INTS14: variants seen among roughly 807,000 people sequenced by gnomAD.
The protein encoded by INTS14 is UPF0464 protein C15orf44.
INTS14 carries 27 observed loss-of-function variants against 56.9 expected under a neutral mutation model. The observed-to-expected ratio is 0.47, with a 90% CI of 0.35 to 0.65. INTS14 has a LOEUF of 0.65. Among genes scored for constraint, INTS14 ranks in the 30% least tolerant of loss-of-function variants. The pLI is 0.00. For synonymous variants in INTS14, 207 were observed against 236.2 expected (o/e 0.88, Z 1.13); for missense variants, 517 against 632.2 (o/e 0.82, Z 1.95).
At chr15:65,609,269 G>T (rs2073770245) in intron 1 of INTS14, among the ~76,000 whole-genome samples, 1 of 152,114 alleles carries the variant, frequency 6.6e-6, no homozygotes, top group Non-Finnish European at 1.5e-5. Context: ...CCATTTGTAA[G>T]TAGGCTGTTT....
At chr15:65,582,360 C>T (rs2072656466) in intron 10 of INTS14, among the ~76,000 whole-genome samples, 1 of 152,122 alleles carries the variant, frequency 6.6e-6, no homozygotes, top group Non-Finnish European at 1.5e-5. Context: ...AACTGGATAT[C>T]CACAAGCAAA....
rs141827258 is a variant in INTS14 at position 65,585,754 on chromosome 15, T to C, written c.1121-866A>G. 7.9e-5 allele frequency among the ~76,000 whole-genome samples: 12 copies of C among 152,312 alleles called. No individual in the cohort carries two copies. In the East Asian group the frequency reaches 2.3e-3, roughly 29 times the overall value. On this transcript the variant is annotated intron_variant, in intron 9 of 11. Coordinates refer to ENST00000313182, the MANE Select transcript of INTS14 (RefSeq NM_001394796.1). ...TACAAGTTCAGAGAACTTAAATCTC[T>C]TGCCCAAAAGTTTGTGTTGAAAAAT...
intron 8 of INTS14, 128 bp downstream of exon 8, chr15:65,593,300 A>AGT: frequency 8.5e-7 from 1 of 1,180,168 alleles, no homozygotes; most frequent in Non-Finnish European, 1.2e-6. Flanking sequence ...AGGTGGGAAA[A>AGT]GTGTGTGGCA....
intron 9 of INTS14, 90 bp from the exon 10 acceptor site, chr15:65,584,978 A>G: frequency 9.7e-7 from 1 of 1,033,450 alleles, no homozygotes; most frequent in Non-Finnish European, 1.4e-6. Flanking sequence ...GAATCACTCA[A>G]TCTTTGATAT....
chr15:65,597,756 T>C (rs1238144347), intron 6 of INTS14, among the ~76,000 whole-genome samples: 1 of 152,244 alleles, frequency 6.6e-6, no homozygotes, highest in Non-Finnish European at 1.5e-5. Context: ...TTAATTATGA[T>C]ACTAATTAAG....
intron 6 of INTS14, among the ~76,000 whole-genome samples, chr15:65,598,039 C>G (rs919958479): frequency 6.6e-6 from 1 of 152,138 alleles, no homozygotes; most frequent in Non-Finnish European, 1.5e-5. Context: ...TACACATGCA[C>G]GAAGCTGACA....
At chr15:65,583,502 A>G (rs1239207988) in intron 10 of INTS14, among the ~76,000 whole-genome samples, 1 of 152,208 alleles carries the variant, frequency 6.6e-6, no homozygotes, top group Admixed American at 6.5e-5. Context: ...AGACAGAAAG[A>G]AAATCAATGG....
chr15:65,587,733 C>T (rs1459159427), intron 9 of INTS14, among the ~76,000 whole-genome samples: 1 of 152,042 alleles, frequency 6.6e-6, no homozygotes, highest in Non-Finnish European at 1.5e-5. Flanking sequence ...GTAATCCCAA[C>T]AATTTGGGAG....
chr15:65,595,575 T>G (rs1329227732), intron 7 of INTS14, among the ~76,000 whole-genome samples, 158 bp downstream of exon 7: 1 of 152,248 alleles, frequency 6.6e-6, no homozygotes, highest in Non-Finnish European at 1.5e-5. Flanking sequence ...CAGAATTACT[T>G]TTTTGATATA....
At chr15:65,593,753 C>T (rs1037578510) in intron 7 of INTS14, among the ~76,000 whole-genome samples, 181 bp from the exon 8 acceptor site, 2 of 151,602 alleles carry the variant, frequency 1.3e-5, no homozygotes, top group African/African-American at 2.4e-5. Flanking sequence ...AGTTTCCACA[C>T]ATTATATGAA....
intron 9 of INTS14, among the ~76,000 whole-genome samples, chr15:65,588,122 C>A (rs1163072390): frequency 1.3e-5 from 2 of 150,872 alleles, no homozygotes; most frequent in Non-Finnish European, 3.0e-5. Context: ...AACCCCGTAC[C>A]TACTAAAAAT....
intron 6 of INTS14, among the ~76,000 whole-genome samples, chr15:65,597,108 T>C (rs1231301873): frequency 6.6e-6 from 1 of 152,192 alleles, no homozygotes; most frequent in South Asian, 2.1e-4. Flanking sequence ...AATCTAACTG[T>C]TATGAAGGCA....
Position 65,591,458 on chromosome 15 carries a change from C to T in INTS14, c.1120+140G>A, listed in dbSNP as rs182732978. The T allele has an allele frequency of 1.2e-3, 1,323 of 1,129,096 alleles. 16 individuals are homozygous for T. The highest frequency in any genetic ancestry group is 1.6e-4 in the Non-Finnish European group (128 of 825,466). 69.9% of individuals were successfully genotyped at this position (1,129,096 alleles called of 1,614,324 possible). ...ACATCAAACTCTCTTCAAGTTTTCA[C>T]CGTACACATCCAGCATCATCCGAGA... On this transcript the variant is annotated intron_variant, in intron 9 of 11. Transcript: ENST00000313182.
At chr15:65,606,084 T>C (rs1477000636) in intron 2 of INTS14, among the ~76,000 whole-genome samples, 2 of 150,670 alleles carry the variant, frequency 1.3e-5, no homozygotes, top group Non-Finnish European at 3.0e-5. Context: ...TGAAACCCCG[T>C]CTCTACTAAA....
In INTS14 at chr15:65,584,895, A is replaced by G. The variant is rs767090427; in HGVS notation, c.1121-7T>C. The G allele has an allele frequency of 1.9e-6, 3 of 1,603,366 alleles. No homozygotes were observed. The highest frequency in any genetic ancestry group is 2.6e-6 in the Non-Finnish European group (3 of 1,174,946). ...TAAGGGTTTTCTTTAGCATCTTAAA[A>G]GAAAAGACATTCTTGAAATGACATC... On this transcript the variant is annotated splice_region_variant and splice_polypyrimidine_tract_variant and intron_variant, in intron 9 of 11. Transcript: ENST00000313182.
chr15:65,580,719 G>A (rs978650272), intron 11 of INTS14, among the ~76,000 whole-genome samples: 10 of 152,178 alleles, frequency 6.6e-5, no homozygotes, highest in Non-Finnish European at 1.0e-4. Flanking sequence ...AGAAAGCTAA[G>A]ACACAAATGA....
At chr15:65,607,069 C>A in intron 2 of INTS14, 90 bp downstream of exon 2, 4 of 1,467,232 alleles carry the variant, frequency 2.7e-6, no homozygotes, top group Non-Finnish European at 3.7e-6. Context: ...TAAATAATGC[C>A]AAAGTTCTAA....
At chr15:65,583,803 C>T (rs1188260095) in intron 10 of INTS14, among the ~76,000 whole-genome samples, 10 of 152,138 alleles carry the variant, frequency 6.6e-5, no homozygotes, top group Admixed American at 6.5e-4. Flanking sequence ...GTTCTAATAT[C>T]CCTCTGACAA....
intron 1 of INTS14, among the ~76,000 whole-genome samples, chr15:65,609,856 A>G (rs2073813942): frequency 6.6e-6 from 1 of 152,158 alleles, no homozygotes; most frequent in Non-Finnish European, 1.5e-5. Context: ...CAGCCCGTGA[A>G]ATCTGCTGTT....
Sources: allele counts gnomAD v4.1 joint callset (sites outside exome capture counted in the v4.1 genomes callset), GRCh38; gene constraint gnomAD v4.1.1; transcripts MANE v1.5; gene names NCBI Gene and HGNC (gene_info 2026-07-23, HGNC 2026-07-21).